Variants in AFP observed in about 807,000 individuals in gnomAD.
AFP encodes the protein alpha-fetoprotein.
AFP carries 64 observed loss-of-function variants against 78.9 expected under a neutral mutation model. The ratio of observed to expected loss-of-function variants is 0.81; its 90% CI spans 0.66 to 1.00. The LOEUF (loss-of-function observed/expected upper bound fraction) is 1.00, where lower values mean the gene tolerates loss of function less well. Among genes scored for constraint, AFP ranks in the 50% least tolerant of loss-of-function variants. The probability of loss-of-function intolerance (pLI) is 0.00; values close to 1 mark genes in which losing one functional copy is unlikely to be tolerated. For synonymous variants in AFP, 254 were observed against 243.8 expected (o/e 1.04, Z -0.39); for missense variants, 689 against 703.8 (o/e 0.98, Z 0.24).
Position 73,450,057 on chromosome 4 carries a change from A to G in AFP, c.1213A>G (p.Ile405Val). The G allele has an allele frequency of 6.2e-7, 1 of 1,613,516 alleles. No homozygotes were observed. Among genetic ancestry groups the G allele is most frequent in the Non-Finnish European group, 8.5e-7 (1 of 1,179,506 alleles). Residue 405 changes from isoleucine to valine, a missense_variant, in exon 10 of 15, where the codon ATC (isoleucine) becomes GTC (valine). Ile to Val is a conservative substitution (Grantham distance 29). Coordinates refer to ENST00000395792, the MANE Select transcript of AFP (RefSeq NM_001134.3). ...TCAGGAAGAAGAATTACAGAAATAC[A>G]TCCAGGAGAGCCAAGCATTGGCAAA... ...DKGEEELQKY[I>V]QESQALAKRS...
intron 13 of AFP, 22 bp downstream of exon 13, chr4:73,453,919 C>G (rs996056626): frequency 6.2e-7 from 1 of 1,613,168 alleles, no homozygotes; most frequent in Non-Finnish European, 8.5e-7. Flanking sequence ...TCATTTCATA[C>G]TCAAAATACT....
chr4:73,444,791 G>T (rs1054538212), intron 6 of AFP, among the ~76,000 whole-genome samples: 2 of 152,048 alleles, frequency 1.3e-5, no homozygotes, highest in Non-Finnish European at 2.9e-5. Flanking sequence ...CATTTGTGGG[G>T]CCAGCTCACA....
intron 5 of AFP, 26 bp downstream of exon 5, chr4:73,442,454 A>C: frequency 1.2e-6 from 2 of 1,613,096 alleles, no homozygotes; most frequent in Non-Finnish European, 1.7e-6. Flanking sequence ...GGATATCTGA[A>C]CCAGTACTGT....
rs1248711165 is a variant in AFP, at chr4:73,445,071, T to G, written c.792T>G (p.His264Gln). 1 of 1,614,052 alleles carries G rather than the reference T, an allele frequency of 6.2e-7. No individual in the cohort carries two copies. The highest frequency in any genetic ancestry group is 1.1e-5 in the South Asian group (1 of 91,082). ...EIQKLVLDVAHVHEHCCRGDV... is the reference protein window; with the variant it reads ...EIQKLVLDVAQVHEHCCRGDV... ...AGAAACTAGTCCTGGATGTGGCCCA[T>G]GTACATGAGCACTGTTGCAGAGGAG... is the stretch of plus-strand genomic sequence containing the variant. Residue 264 changes from histidine to glutamine, a missense_variant, in exon 7 of 15, where the codon CAT becomes CAG. Transcript: ENST00000395792.
intron 9 of AFP, 71 bp from the exon 10 acceptor site, chr4:73,449,965 G>A (rs909544854): frequency 5.9e-5 from 57 of 971,386 alleles, no homozygotes; most frequent in Middle Eastern, 2.2e-4. Context: ...ATATAATATT[G>A]ATCAATTTTA....
chr4:73,452,383 T>C lies in AFP; in HGVS notation c.1429-18T>C, dbSNP rs1416568355. ...AATGCCCAATCTCCTTACTTTTTTT[T>C]CTCATTCTCCTAACCAGGCTGACAT... On this transcript the variant is annotated intron_variant, in intron 11 of 14. Coordinates refer to ENST00000395792, the MANE Select transcript of AFP (RefSeq NM_001134.3). The C allele has an allele frequency of 6.2e-7, 1 of 1,610,056 alleles. No homozygotes were observed. The highest frequency in any genetic ancestry group is 2.2e-5 in the East Asian group (1 of 44,866).
intron 4 of AFP, among the ~76,000 whole-genome samples, chr4:73,441,908 C>T (rs896366797): frequency 3.3e-5 from 5 of 152,202 alleles, no homozygotes; most frequent in Non-Finnish European, 5.9e-5. Context: ...CCCCATTCTG[C>T]ACTGACAAGG....
chr4:73,442,500 A>G, intron 5 of AFP, 72 bp downstream of exon 5: 1 of 1,555,384 alleles, frequency 6.4e-7, no homozygotes, highest in Non-Finnish European at 8.9e-7. Flanking sequence ...AAAGTTAAAA[A>G]TGAAAACGTG....
intron 7 of AFP, among the ~76,000 whole-genome samples, chr4:73,446,983 C>A (rs1448781328): frequency 6.6e-6 from 1 of 152,278 alleles, no homozygotes; most frequent in East Asian, 1.9e-4. Flanking sequence ...GTCACGTTCT[C>A]ACTCTATTTG....
At chr4:73,448,862 G>T (rs1719905115) in intron 8 of AFP, among the ~76,000 whole-genome samples, 1 of 152,064 alleles carries the variant, frequency 6.6e-6, no homozygotes, top group Non-Finnish European at 1.5e-5. Flanking sequence ...TCCACCTTGG[G>T]TATCATCCTT....
chr4:73,455,414 T>C (rs1351075699), intron 14 of AFP, 124 bp downstream of exon 14: 1 of 871,214 alleles, frequency 1.1e-6, no homozygotes, highest in Admixed American at 2.3e-5. Flanking sequence ...CAAAAAAAAG[T>C]TTATTTTAAA....
At chr4:73,455,531 C>T (rs1442345928) in intron 14 of AFP, 100 bp from the exon 15 acceptor site, 2 of 650,952 alleles carry the variant, frequency 3.1e-6, no homozygotes, top group African/African-American at 3.7e-5. Flanking sequence ...GAAGACTTTC[C>T]TACGTATCCA....
chr4:73,437,641 C>A (rs967652008), intron 2 of AFP, among the ~76,000 whole-genome samples: 4 of 152,010 alleles, frequency 2.6e-5, no homozygotes, highest in Non-Finnish European at 4.4e-5. Flanking sequence ...TCTTGGATGT[C>A]TTTCCATTCC....
At chr4:73,440,428 A>C (rs1719624137) in intron 3 of AFP, among the ~76,000 whole-genome samples, 174 bp from the exon 4 acceptor site, 1 of 152,226 alleles carries the variant, frequency 6.6e-6, no homozygotes, top group Non-Finnish European at 1.5e-5. Context: ...ATTTTCCATA[A>C]GGCAGCAAAG....
rs756610595 is a variant in AFP, at chr4:73,438,159, G to A, written c.138-15G>A. 12 of 1,612,870 alleles carry A rather than the reference G, an allele frequency of 7.4e-6. No individual in the cohort carries two copies. Among genetic ancestry groups the A allele is most frequent in the East Asian group, 2.2e-5 (1 of 44,782 alleles). On this transcript the variant is annotated splice_polypyrimidine_tract_variant and intron_variant, in intron 2 of 14. Coordinates refer to ENST00000395792, the MANE Select transcript of AFP (RefSeq NM_001134.3). ...AGGTCTGTTCCTTAAGGATTCACACGTATTTTTGTTTCAGGGCTACCATAT... is the reference window on the plus strand; with the variant it reads ...AGGTCTGTTCCTTAAGGATTCACACATATTTTTGTTTCAGGGCTACCATAT...
At chr4:73,436,774 G>A (rs772420616) in intron 1 of AFP, among the ~76,000 whole-genome samples, 11 of 151,752 alleles carry the variant, frequency 7.2e-5, no homozygotes, top group Non-Finnish European at 1.3e-4. Context: ...ATTATTTGAT[G>A]GTCTGAAGAA....
chr4:73,449,651 T>A (rs888139890), intron 9 of AFP, among the ~76,000 whole-genome samples, 184 bp downstream of exon 9: 1 of 152,208 alleles, frequency 6.6e-6, no homozygotes, highest in African/African-American at 2.4e-5. Context: ...GAAACAAAAA[T>A]GTTAATTGCT....
At chr4:73,443,591 T>G in intron 6 of AFP, 147 bp downstream of exon 6, 1 of 667,886 alleles carries the variant, frequency 1.5e-6, no homozygotes, top group Non-Finnish European at 2.7e-6. Flanking sequence ...ATTAGAACCA[T>G]GAACTCTTAG....
rs751180491 is a variant in AFP, at chr4:73,447,597, T to C, written c.979T>C (p.Ser327Pro). 6.2e-7 allele frequency: 1 copy of C among 1,612,278 alleles called. No homozygotes were observed. Among genetic ancestry groups the C allele is most frequent in the South Asian group, 1.1e-5 (1 of 90,992 alleles). Residue 327 changes from serine to proline, a missense_variant, in exon 8 of 15, where the codon TCT becomes CCT. Ser to Pro is a moderately conservative substitution (Grantham distance 74). Coordinates refer to ENST00000395792, the MANE Select transcript of AFP (RefSeq NM_001134.3). ...AENDEKPEGL[S>P]PNLNRFLGDR... Reference sequence around the variant, plus strand: ...AAATGATGAAAAACCTGAAGGTCTATCTCCAAATCTAAACAGGTTTTTAGG... The same window carrying C: ...AAATGATGAAAAACCTGAAGGTCTACCTCCAAATCTAAACAGGTTTTTAGG...
Sources: gnomAD v4.1 joint callset for allele counts (sites outside exome capture counted in the v4.1 genomes callset) on GRCh38, gnomAD v4.1.1 for gene constraint, MANE v1.5 for transcripts, NCBI Gene and HGNC (gene_info 2026-07-23, HGNC 2026-07-21) for gene names.